The following PCBP3 variants were observed in gnomAD, a reference collection of about 807,000 sequenced individuals.
PCBP3 encodes poly(rC)-binding protein 3.
In PCBP3, 25 loss-of-function variants were observed where a neutral mutation model predicts 52.7. That is an observed-to-expected ratio of 0.47 (90% CI 0.35 to 0.66). PCBP3 has a LOEUF of 0.66. PCBP3 is among the 30% of genes least tolerant of loss of function. PCBP3 has a pLI of 0.01. For missense variants in PCBP3, 391 were observed against 490.3 expected (o/e 0.80, Z 1.91); for synonymous variants, 162 against 183.0 (o/e 0.89, Z 0.93).
chr21:45,743,917 A>G (rs1227812456), intron 3 of PCBP3, among the ~76,000 whole-genome samples: 1 of 152,110 alleles, frequency 6.6e-6, no homozygotes, highest in Non-Finnish European at 1.5e-5. Context: ...CCTTCGATAG[A>G]ATTCTACCTT....
intron 4 of PCBP3, chr21:45,761,092 G>A (rs1212724277): frequency 2.0e-5 from 3 of 150,876 alleles, no homozygotes; most frequent in Non-Finnish European, 4.4e-5. Context: ...AAAAAAAAAA[G>A]TTCCGTGGGA....
At chr21:45,794,751 A>C (rs958406831) in intron 4 of PCBP3, among the ~76,000 whole-genome samples, 39 of 152,142 alleles carry the variant, frequency 2.6e-4, no homozygotes, top group African/African-American at 9.4e-4. Context: ...AACACAGTGA[A>C]ACCCCATCTC....
chr21:45,671,631 C>G (rs1201867492), intron 2 of PCBP3, among the ~76,000 whole-genome samples: 1 of 152,050 alleles, frequency 6.6e-6, no homozygotes, highest in African/African-American at 2.4e-5. Context: ...TTAGAAAGAA[C>G]CTGTTACAGG....
intron 4 of PCBP3, among the ~76,000 whole-genome samples, chr21:45,780,046 C>T (rs111393928): frequency 0.011 from 1,742 of 152,184 alleles, 50 homozygotes; most frequent in African/African-American, 0.039. Context: ...AACAAATGGT[C>T]CTGGAATAAT....
intron 5 of PCBP3, among the ~76,000 whole-genome samples, chr21:45,857,075 C>A (rs1460208783): frequency 6.6e-6 from 1 of 152,176 alleles, no homozygotes; most frequent in African/African-American, 2.4e-5. Flanking sequence ...CTGTTCAGAC[C>A]TTTAAAAGCT....
At chr21:45,740,358 A>G (rs2086335283) in intron 3 of PCBP3, among the ~76,000 whole-genome samples, 1 of 152,230 alleles carries the variant, frequency 6.6e-6, no homozygotes, top group Admixed American at 6.5e-5. Flanking sequence ...AGTAGCTCCC[A>G]TGTTAAAATT....
At chr21:45,812,681 CAT>C (rs2092716795) in intron 4 of PCBP3, among the ~76,000 whole-genome samples, 1 of 152,218 alleles carries the variant, frequency 6.6e-6, no homozygotes, top group Non-Finnish European at 1.5e-5. Flanking sequence ...CGTGAGCCAC[CAT>C]GCCCGGCTGT....
chr21:45,699,951 A>G (rs2083010390), intron 2 of PCBP3, among the ~76,000 whole-genome samples: 1 of 152,198 alleles, frequency 6.6e-6, no homozygotes, highest in Non-Finnish European at 1.5e-5. Flanking sequence ...TTCACATTTC[A>G]AAACCAATCA....
At chr21:45,920,669 T>C (rs1193807649) in intron 13 of PCBP3, among the ~76,000 whole-genome samples, 1 of 152,180 alleles carries the variant, frequency 6.6e-6, no homozygotes, top group Non-Finnish European at 1.5e-5. Flanking sequence ...TTGGTGCCCC[T>C]ATAACAGAGG....
At chr21:45,816,388 A>G in intron 4 of PCBP3, among the ~76,000 whole-genome samples, 1 of 143,194 alleles carries the variant, frequency 7.0e-6, no homozygotes, top group Non-Finnish European at 1.5e-5. Context: ...ACGCCAAAAT[A>G]TTTTCTTTGT....
chr21:45,864,564 G>A (rs1272692882), intron 5 of PCBP3, among the ~76,000 whole-genome samples: 3 of 152,174 alleles, frequency 2.0e-5, no homozygotes, highest in Non-Finnish European at 4.4e-5. Context: ...TCTGGTGAAC[G>A]TATTTTGGCA....
At chr21:45,792,530 A>AG (rs2091676593) in intron 4 of PCBP3, among the ~76,000 whole-genome samples, 1 of 152,278 alleles carries the variant, frequency 6.6e-6, no homozygotes, top group Non-Finnish European at 1.5e-5. Flanking sequence ...ACCTGAGAAC[A>AG]GTCATCTACT....
At chr21:45,725,694 G>A (rs538512602) in intron 2 of PCBP3, among the ~76,000 whole-genome samples, 1 of 152,196 alleles carries the variant, frequency 6.6e-6, no homozygotes, top group African/African-American at 2.4e-5. Flanking sequence ...AACACAGCAG[G>A]CACATGCTAC....
rs982524657 is a variant in PCBP3, at chr21:45,741,619, T to A, written c.-162+6190T>A. 6.6e-6 allele frequency among the ~76,000 whole-genome samples: 1 copy of A among 152,144 alleles called. No individual in the cohort carries two copies. Among genetic ancestry groups the A allele is most frequent in the Non-Finnish European group, 1.5e-5 (1 of 68,014 alleles). On this transcript the variant is annotated intron_variant, in intron 3 of 17. Transcript: ENST00000681687. This position sits in a 1 kb window ranked among gnomAD's most constrained non-coding sequence, Gnocchi z 4.5. ...GTAGGGCCACTGCTTTTCATAAGCT[T>A]TATCGAATTATTTGCTTTTAAAAAC...
At chr21:45,824,149 C>G (rs1348979519) in intron 4 of PCBP3, among the ~76,000 whole-genome samples, 1 of 152,184 alleles carries the variant, frequency 6.6e-6, no homozygotes, top group African/African-American at 2.4e-5. Flanking sequence ...TTGTCATTGT[C>G]TTGGGCAGGG....
intron 2 of PCBP3, among the ~76,000 whole-genome samples, chr21:45,672,224 C>T (rs1461679873): frequency 1.3e-5 from 2 of 152,112 alleles, no homozygotes; most frequent in Admixed American, 6.5e-5. Context: ...TCTGCAGAGT[C>T]CCCACCAGCA....
chr21:45,732,461 C>G (rs2085526614), intron 2 of PCBP3, among the ~76,000 whole-genome samples: 1 of 149,688 alleles, frequency 6.7e-6, no homozygotes, highest in African/African-American at 2.4e-5. Flanking sequence ...TAGATTTTAG[C>G]TGCTCTTGCC....
At chr21:45,728,957 T>C (rs1012588568) in intron 2 of PCBP3, among the ~76,000 whole-genome samples, 1 of 152,200 alleles carries the variant, frequency 6.6e-6, no homozygotes, top group African/African-American at 2.4e-5. Context: ...CAAATTAAAG[T>C]GTACAATTTG....
At chr21:45,900,956 G>A (rs749454578) in intron 8 of PCBP3, 41 bp from the exon 9 acceptor site, 2 of 1,472,338 alleles carry the variant, frequency 1.4e-6, no homozygotes, top group Non-Finnish European at 1.9e-6. Flanking sequence ...TGGCCCAAGG[G>A]TTTTAATCAG....
Sources: gnomAD v4.1 joint callset for allele counts (sites outside exome capture counted in the v4.1 genomes callset) on GRCh38, gnomAD v4.1.1 for gene constraint, Gnocchi (gnomAD v3.1) non-coding constraint, MANE v1.5 for transcripts, NCBI Gene and HGNC (gene_info 2026-07-23, HGNC 2026-07-21) for gene names.